The following CCDC102B variants were observed in gnomAD, a reference collection of about 807,000 sequenced individuals.
CCDC102B encodes the protein coiled-coil domain containing 102B.
In CCDC102B, 75 loss-of-function variants were observed where a neutral mutation model predicts 57.4. The observed-to-expected ratio is 1.31, with a 90% confidence interval of 1.08 to 1.58. The LOEUF is 1.58. Ranked by LOEUF, CCDC102B falls within the 40% of genes most tolerant of loss-of-function variation. CCDC102B has a pLI of 0.00. For synonymous variants in CCDC102B, 206 were observed against 201.9 expected, an observed-to-expected ratio of 1.02 and a Z score of -0.17; for missense variants, 636 against 582.6, an observed-to-expected ratio of 1.09 and a Z score of -0.94.
At chr18:69,037,481 T>A (rs972424694) in intron 7 of CCDC102B, among the ~76,000 whole-genome samples, 1 of 151,990 alleles carries the variant, frequency 6.6e-6, no homozygotes, top group Non-Finnish European at 1.5e-5. Context: ...CTGACTTCTC[T>A]TCCAAGTGTG....
chr18:68,847,573 A>T (rs1400162742), intron 4 of CCDC102B, among the ~76,000 whole-genome samples: 1 of 151,944 alleles, frequency 6.6e-6, no homozygotes, highest in African/African-American at 2.4e-5. Flanking sequence ...AAAAAGCAAT[A>T]TGTGTATCTG....
At chr18:68,923,905 G>A (rs1001851065) in intron 6 of CCDC102B, among the ~76,000 whole-genome samples, 1 of 152,042 alleles carries the variant, frequency 6.6e-6, no homozygotes, top group Admixed American at 6.6e-5. Flanking sequence ...AACTATGCAA[G>A]GGATCTGTGG....
chr18:68,951,799 C>A (rs1257352799), intron 6 of CCDC102B, among the ~76,000 whole-genome samples: 1 of 147,000 alleles, frequency 6.8e-6, no homozygotes, highest in African/African-American at 2.6e-5. Context: ...CAGAGTGAGA[C>A]CCTGTCAAAA....
At chr18:69,014,168 C>A (rs943733283) in intron 7 of CCDC102B, among the ~76,000 whole-genome samples, 1 of 152,068 alleles carries the variant, frequency 6.6e-6, no homozygotes, top group Admixed American at 6.6e-5. Flanking sequence ...ATTACTAAGT[C>A]ATTAATGGAT....
chr18:68,976,679 G>C (rs1308378282), intron 6 of CCDC102B, among the ~76,000 whole-genome samples: 2 of 151,930 alleles, frequency 1.3e-5, no homozygotes, highest in African/African-American at 4.8e-5. Context: ...TTGGGTTTCT[G>C]CCTTATTTAA....
chr18:68,724,532 G>T (rs192991851), intron 2 of CCDC102B, among the ~76,000 whole-genome samples: 1 of 152,246 alleles, frequency 6.6e-6, no homozygotes, highest in South Asian at 2.1e-4. Flanking sequence ...GATCTTTAGC[G>T]CAGGGGCAAA....
chr18:68,950,750 A>T (rs2145195277), intron 6 of CCDC102B, among the ~76,000 whole-genome samples: 1 of 152,276 alleles, frequency 6.6e-6, no homozygotes, highest in South Asian at 2.1e-4. Flanking sequence ...TTTACTTTGG[A>T]AAAAGCATTA....
intron 7 of CCDC102B, among the ~76,000 whole-genome samples, chr18:69,024,911 T>C (rs111941910): frequency 0.017 from 2,654 of 152,160 alleles, 82 homozygotes; most frequent in African/African-American, 0.06. Context: ...TTTATGTCAG[T>C]ATTTTAAAAT....
intron 2 of CCDC102B, among the ~76,000 whole-genome samples, chr18:68,777,161 G>A (rs145918970): frequency 6.6e-6 from 1 of 152,080 alleles, no homozygotes; most frequent in Non-Finnish European, 1.5e-5. Context: ...CTCGTAACAG[G>A]TTCAGCTTGT....
At chr18:68,849,007 T>G (rs2038002011) in intron 4 of CCDC102B, among the ~76,000 whole-genome samples, 1 of 152,156 alleles carries the variant, frequency 6.6e-6, no homozygotes, top group Non-Finnish European at 1.5e-5. Context: ...GTCATCTTTT[T>G]GTGATCATAA....
At chr18:69,007,552 G>A (rs1401756674) in intron 6 of CCDC102B, among the ~76,000 whole-genome samples, 1 of 152,164 alleles carries the variant, frequency 6.6e-6, no homozygotes, top group Non-Finnish European at 1.5e-5. Flanking sequence ...TTATACCAAT[G>A]GTTCTCAAAC....
chr18:68,868,989 G>A (rs2039122880), intron 4 of CCDC102B, among the ~76,000 whole-genome samples: 1 of 152,132 alleles, frequency 6.6e-6, no homozygotes, highest in Non-Finnish European at 1.5e-5. Context: ...AACGGATGTT[G>A]CAAATGCCTG....
rs570563982 is a variant in CCDC102B at position 68,810,229 on chromosome 18, C to G, written c.-16+12048C>G. Among the ~76,000 whole-genome samples, 7 of 152,222 alleles carry G rather than the reference C, an allele frequency of 4.6e-5. No homozygotes were observed. The South Asian group carries it at 1.0e-3, about 23-fold the overall frequency. The stretch of plus-strand genomic sequence containing the variant: ...TTGGAAAGAGGTAGTAAGCAGCTGT[C>G]TTACACAAATTCAATTTTCAGATAG... On this transcript the variant is annotated intron_variant, in intron 1 of 7. Transcript: ENST00000360242.
chr18:68,855,802 T>C (rs2038357620), intron 4 of CCDC102B, among the ~76,000 whole-genome samples: 1 of 141,858 alleles, frequency 7.0e-6, no homozygotes. Context: ...AAAGAACATA[T>C]ACATGATGTT....
At chr18:68,841,019 C>T (rs527517879) in intron 3 of CCDC102B, among the ~76,000 whole-genome samples, 28 of 152,264 alleles carry the variant, frequency 1.8e-4, no homozygotes, top group Middle Eastern at 3.4e-3. Context: ...AACAATCCCA[C>T]GGACGTGATG....
chr18:68,800,396 T>C (rs1233760989), intron 1 of CCDC102B, among the ~76,000 whole-genome samples: 1 of 152,134 alleles, frequency 6.6e-6, no homozygotes, highest in Non-Finnish European at 1.5e-5. Context: ...TCCAGACGAA[T>C]TACTGTTCTA....
chr18:68,788,588 CTTCT>C (rs1210283706), intron 2 of CCDC102B, among the ~76,000 whole-genome samples: 62 of 150,198 alleles, frequency 4.1e-4, no homozygotes, highest in Admixed American at 1.9e-3. Context: ...ATGTAATGGC[CTTCT>C]TTGTCTCTTT....
intron 6 of CCDC102B, among the ~76,000 whole-genome samples, chr18:68,943,471 G>C (rs9961337): frequency 0.04 from 6,116 of 152,096 alleles, 259 homozygotes; most frequent in African/African-American, 0.11. Context: ...TCATGTCTGT[G>C]TTATGGCTAT....
intron 7 of CCDC102B, among the ~76,000 whole-genome samples, chr18:69,030,771 C>T (rs966116099): frequency 6.6e-6 from 1 of 152,188 alleles, no homozygotes; most frequent in Admixed American, 6.5e-5. Context: ...TCTTCTGCCT[C>T]AGCCTCCTGC....
Sources: allele counts gnomAD v4.1 joint callset (sites outside exome capture counted in the v4.1 genomes callset), GRCh38; gene constraint gnomAD v4.1.1; transcripts MANE v1.5; gene names NCBI Gene and HGNC (gene_info 2026-07-23, HGNC 2026-07-21).